Variants in MOBP observed in about 807,000 individuals in gnomAD.
The protein encoded by MOBP is myelin associated oligodendrocyte basic protein, also known as myelin-associated oligodendrocyte basic protein.
In MOBP, 5 loss-of-function variants were observed where a neutral mutation model predicts 15.0. The observed-to-expected ratio is 0.33, with a 90% CI of 0.17 to 0.70. The LOEUF (loss-of-function observed/expected upper bound fraction) is 0.70. MOBP is among the 30% of genes least tolerant of loss of function. The pLI is 0.67. For missense variants in MOBP, 188 were observed against 257.8 expected (o/e 0.73, Z 1.85); for synonymous variants, 88 against 99.0 (o/e 0.89, Z 0.66).
chr3:39,522,747 GT>G (rs1553620642), intron 3 of MOBP, among the ~76,000 whole-genome samples: 1 of 152,128 alleles, frequency 6.6e-6, no homozygotes, highest in Non-Finnish European at 1.5e-5. Flanking sequence ...TACACAAAAG[GT>G]TCCGTATACT....
intron 1 of MOBP, among the ~76,000 whole-genome samples, chr3:39,470,793 T>C (rs369732414): frequency 1.3e-5 from 2 of 152,234 alleles, no homozygotes; most frequent in African/African-American, 4.8e-5. Flanking sequence ...GAGTTAGCTC[T>C]GCCTATTAAA....
chr3:39,513,625 G>C (rs563489659), exon 5 of MOBP: 2 of 599,414 alleles, frequency 3.3e-6, no homozygotes, highest in Non-Finnish European at 6.0e-6. Context: ...GGCTATCTCT[G>C]TGTGTTGTAC....
intron 1 of MOBP, among the ~76,000 whole-genome samples, chr3:39,473,048 C>T (rs571738771): frequency 1.3e-5 from 2 of 152,278 alleles, no homozygotes; most frequent in African/African-American, 4.8e-5. Flanking sequence ...ATCTGCGGGG[C>T]TGGACTGGGC....
At chr3:39,507,833 T>G (rs1267048737), downstream of MOBP, among the ~76,000 whole-genome samples, 1 of 152,252 alleles carries the variant, frequency 6.6e-6, no homozygotes, top group Non-Finnish European at 1.5e-5. Context: ...AACTTTACCA[T>G]GTGCCTCCAG....
chr3:39,492,461 G>A (rs10510702), intron 2 of MOBP, among the ~76,000 whole-genome samples: 45,276 of 151,966 alleles, frequency 0.3, 9,115 homozygotes, highest in African/African-American at 0.57. Flanking sequence ...GAAGTGACCA[G>A]GCCACTATAA....
chr3:39,511,004 C>A (rs2043112689), intron 4 of MOBP, among the ~76,000 whole-genome samples: 1 of 152,156 alleles, frequency 6.6e-6, no homozygotes, highest in African/African-American at 2.4e-5. Context: ...CTCAACTTTC[C>A]TCATGGCCTA....
At chr3:39,470,670 C>G (rs1217833901) in intron 1 of MOBP, among the ~76,000 whole-genome samples, 1 of 152,084 alleles carries the variant, frequency 6.6e-6, no homozygotes, top group African/African-American at 2.4e-5. Context: ...ATTATTTGTA[C>G]TCACTAAAAA....
intron 2 of MOBP, among the ~76,000 whole-genome samples, chr3:39,495,484 GA>G (rs1220224743): frequency 6.6e-6 from 1 of 151,720 alleles, no homozygotes; most frequent in Non-Finnish European, 1.5e-5. Flanking sequence ...GAAAATGGAA[GA>G]AAAGAAATTA....
Position 39,468,935 on chromosome 3 carries a change from AT to A in MOBP, c.-89+1197del, listed in dbSNP as rs796101680. ...TGAGTGTGTATATATACATATATAC[AT>A]TGTGTGTATATATACATATATACAT... is the stretch of plus-strand genomic sequence containing the variant. On this transcript the variant is annotated intron_variant, in intron 1 of 3. Transcript: ENST00000684792. 2.4e-5 allele frequency among the ~76,000 whole-genome samples: 2 copies of A among 82,602 alleles called. 1 individual carries two copies. The highest frequency in any genetic ancestry group is 1.8e-4 in the African/African-American group (2 of 10,974). The allele number at this position is 82,602 out of a possible 152,430, so 54.2% of individuals were successfully genotyped here. A position where few individuals can be genotyped will look rare whatever the true frequency, so the allele number is the denominator to read the frequency against.
rs529991644 is a variant in MOBP at position 39,481,287 on chromosome 3, A to G, written c.-5+1164A>G. 3.3e-5 allele frequency among the ~76,000 whole-genome samples: 5 copies of G among 152,332 alleles called. No homozygotes were observed. In the South Asian group the frequency reaches 8.3e-4, roughly 25 times the overall value. ...ACAAAATCTCTCTTAAACCCATTCT[A>G]TTCCTCTCAAGCCTCAAACTCTCTT... On this transcript the variant is annotated intron_variant, in intron 2 of 3. Coordinates refer to ENST00000684792, the MANE Select transcript of MOBP (RefSeq NM_001393704.1).
chr3:39,524,314 T>C (rs185094439), exon 4 of MOBP: 3 of 152,388 alleles, frequency 2.0e-5, no homozygotes, highest in Admixed American at 2.0e-4. Context: ...GTCAGTCTGC[T>C]TATCCTTCCA....
At chr3:39,477,301 C>G (rs2042557677) in intron 1 of MOBP, among the ~76,000 whole-genome samples, 2 of 151,942 alleles carry the variant, frequency 1.3e-5, no homozygotes, top group Admixed American at 1.3e-4. Flanking sequence ...TATATACAGT[C>G]ATGCACTGCA....
Position 39,502,048 on chromosome 3 carries a change from T to G in MOBP, c.-4-18T>G, listed in dbSNP as rs111988460. The G allele has an allele frequency of 6.2e-7, 1 of 1,610,414 alleles. No homozygotes were observed. Among genetic ancestry groups the G allele is most frequent in the East Asian group, 2.2e-5 (1 of 44,870 alleles). On this transcript the variant is annotated intron_variant, in intron 2 of 3. Coordinates refer to ENST00000684792, the MANE Select transcript of MOBP (RefSeq NM_001393704.1). This position sits in a 1 kb window ranked among gnomAD's most constrained non-coding sequence, Gnocchi z 6.3. Reference sequence around the variant, plus strand: ...GCGTTTATGTCTCCTCCTGTCTCCTTGCATCGGCGATTTCCAGTGAGATGA... The same window carrying G: ...GCGTTTATGTCTCCTCCTGTCTCCTGGCATCGGCGATTTCCAGTGAGATGA...
chr3:39,468,167 C>G (rs996961311), intron 1 of MOBP, among the ~76,000 whole-genome samples: 1 of 150,914 alleles, frequency 6.6e-6, no homozygotes, highest in Non-Finnish European at 1.5e-5. Context: ...AATTTTTTTC[C>G]TCATACAGTT....
At chr3:39,489,861 CCTG>C (rs2042770424) in intron 2 of MOBP, among the ~76,000 whole-genome samples, 1 of 152,170 alleles carries the variant, frequency 6.6e-6, no homozygotes, top group Admixed American at 6.5e-5. Context: ...GACCTAGCTT[CCTG>C]CTGCTTTCAG....
intron 1 of MOBP, among the ~76,000 whole-genome samples, chr3:39,470,015 C>T (rs183947396): frequency 2.0e-5 from 3 of 152,284 alleles, no homozygotes; most frequent in Non-Finnish European, 4.4e-5. Context: ...CTACTGCTCT[C>T]TGAGTATTAG....
downstream of MOBP, chr3:39,526,717 T>C (rs893763324): frequency 1.3e-5 from 2 of 151,646 alleles, no homozygotes; most frequent in South Asian, 2.1e-4. Context: ...GCCTAATTTA[T>C]AGAGATTGCT....
At chr3:39,510,376 T>G (rs2043103915) in intron 4 of MOBP, among the ~76,000 whole-genome samples, 3 of 152,152 alleles carry the variant, frequency 2.0e-5, no homozygotes, top group African/African-American at 7.2e-5. Context: ...TATGGTAGGA[T>G]TTTGAAAGGA....
intron 2 of MOBP, among the ~76,000 whole-genome samples, chr3:39,489,410 T>A (rs990614729): frequency 6.6e-6 from 1 of 152,226 alleles, no homozygotes; most frequent in Non-Finnish European, 1.5e-5. Context: ...CCACTGGCAC[T>A]TAAAGGTACT....
Sources: gnomAD v4.1 joint callset for allele counts (sites outside exome capture counted in the v4.1 genomes callset) on GRCh38, gnomAD v4.1.1 for gene constraint, Gnocchi (gnomAD v3.1) non-coding constraint, MANE v1.5 for transcripts, NCBI Gene and HGNC (gene_info 2026-07-23, HGNC 2026-07-21) for gene names.